Variants in FAM168A observed in about 807,000 individuals in gnomAD.
The protein encoded by FAM168A is family with sequence similarity 168 member A, also known as protein FAM168A.
Under a neutral mutation model 28.5 loss-of-function variants are expected in FAM168A, and 3 were observed. The ratio of observed to expected loss-of-function variants is 0.11; its 90% CI spans 0.05 to 0.27. The LOEUF (loss-of-function observed/expected upper bound fraction) is 0.27, where lower values mean the gene tolerates loss of function less well. Ranked by LOEUF, FAM168A falls within the 10% of genes least tolerant of loss-of-function variation. The pLI, the probability that FAM168A is intolerant of heterozygous loss-of-function variation, is 1.00. For missense variants in FAM168A, 222 were observed against 311.5 expected (o/e 0.71, Z 2.16); for synonymous variants, 122 against 124.2 (o/e 0.98, Z 0.12).
At chr11:73,451,503 A>G (rs1012966516) in intron 2 of FAM168A, among the ~76,000 whole-genome samples, 1 of 152,240 alleles carries the variant, frequency 6.6e-6, no homozygotes, top group Non-Finnish European at 1.5e-5. Flanking sequence ...TGCAATAGCA[A>G]TGGGTATTAC....
rs370484797 is a variant in FAM168A at position 73,533,778 on chromosome 11, G to A, written c.-19+64145C>T. ...ATAATGTTCTGACTATTCTGAAGAG[G>A]GTAATATATAATGTTTTTAGGGAGA... On this transcript the variant is annotated intron_variant, in intron 1 of 7. Coordinates refer to ENST00000356467, the MANE Select transcript of FAM168A (RefSeq NM_015159.3). 4.0e-4 allele frequency among the ~76,000 whole-genome samples: 61 copies of A among 152,100 alleles called. 2 individuals are homozygous for A. The highest frequency in any genetic ancestry group is 2.7e-3 in the Admixed American group (42 of 15,274).
At chr11:73,571,800 AGT>A (rs1397897215) in intron 1 of FAM168A, among the ~76,000 whole-genome samples, 1 of 146,628 alleles carries the variant, frequency 6.8e-6, no homozygotes, top group Non-Finnish European at 1.5e-5. Context: ...GGAAGTGAGG[AGT>A]GCCTCTTCCC....
intron 1 of FAM168A, among the ~76,000 whole-genome samples, chr11:73,537,768 T>C (rs1344193510): frequency 1.3e-5 from 2 of 152,170 alleles, no homozygotes; most frequent in Non-Finnish European, 2.9e-5. Flanking sequence ...TATCAGAAAG[T>C]ATTTCTCAGT....
chr11:73,431,683 G>C (rs1322585044), intron 2 of FAM168A, among the ~76,000 whole-genome samples: 2 of 152,172 alleles, frequency 1.3e-5, no homozygotes, highest in Non-Finnish European at 2.9e-5. Flanking sequence ...CCCACAATCA[G>C]CTCTCAAGAG....
At chr11:73,490,859 T>G (rs1868118242) in intron 1 of FAM168A, among the ~76,000 whole-genome samples, 1 of 152,178 alleles carries the variant, frequency 6.6e-6, no homozygotes, top group Non-Finnish European at 1.5e-5. Flanking sequence ...TCACCCAAAA[T>G]GTAAGCTCCA....
intron 1 of FAM168A, among the ~76,000 whole-genome samples, chr11:73,508,333 AT>A (rs1428216559): frequency 6.6e-6 from 1 of 152,206 alleles, no homozygotes; most frequent in Admixed American, 6.5e-5. Context: ...AAGGAAAAAA[AT>A]ATTCAAAGAC....
intron 1 of FAM168A, among the ~76,000 whole-genome samples, chr11:73,504,977 G>A (rs1206371455): frequency 6.6e-6 from 1 of 152,062 alleles, no homozygotes; most frequent in Non-Finnish European, 1.5e-5. Flanking sequence ...ACACAGAGAG[G>A]GGAACAACAC....
chr11:73,573,022 TA>T (rs758119319), intron 1 of FAM168A, among the ~76,000 whole-genome samples: 3 of 152,136 alleles, frequency 2.0e-5, no homozygotes, highest in Non-Finnish European at 4.4e-5. Flanking sequence ...TCCATAAAAT[TA>T]AGCATTCTAG....
chr11:73,542,836 C>T (rs1407206235), intron 1 of FAM168A, among the ~76,000 whole-genome samples: 2 of 152,092 alleles, frequency 1.3e-5, no homozygotes, highest in African/African-American at 4.8e-5. Context: ...TCTGAGGGGG[C>T]CAAAAGCACA....
At chr11:73,474,751 C>T (rs1382193840) in intron 1 of FAM168A, among the ~76,000 whole-genome samples, 1 of 152,130 alleles carries the variant, frequency 6.6e-6, no homozygotes, top group African/African-American at 2.4e-5. Flanking sequence ...AGAATATTAC[C>T]TGGCACAAAA....
intron 1 of FAM168A, among the ~76,000 whole-genome samples, chr11:73,497,022 A>G (rs1337243067): frequency 6.6e-6 from 1 of 152,236 alleles, no homozygotes. Flanking sequence ...AAAATGGCCG[A>G]ATTCAGAAAA....
intron 1 of FAM168A, among the ~76,000 whole-genome samples, chr11:73,525,135 A>G (rs1324885358): frequency 1.3e-5 from 2 of 149,080 alleles, no homozygotes; most frequent in African/African-American, 5.0e-5. Flanking sequence ...GGTTCCTTCT[A>G]TATGTTTCTT....
intron 2 of FAM168A, among the ~76,000 whole-genome samples, chr11:73,438,097 T>TTCATCATCA (rs753245511): frequency 6.6e-6 from 1 of 151,976 alleles, no homozygotes; most frequent in South Asian, 2.1e-4. Flanking sequence ...GCATCCAGAT[T>TTCATCATCA]TCATCATCAT....
At chr11:73,574,617 C>T (rs370755237) in intron 1 of FAM168A, among the ~76,000 whole-genome samples, 2 of 151,606 alleles carry the variant, frequency 1.3e-5, no homozygotes, top group Admixed American at 6.6e-5. Context: ...AGCTGGAGTG[C>T]GATGACATGA....
In FAM168A at chr11:73,401,104, A is replaced by ATTATTATT. The variant is rs905285607; in HGVS notation, c.*5651_*5658dup. On this transcript the variant is annotated 3_prime_UTR_variant, in exon 8 of 8. Transcript: ENST00000356467. Reference sequence around the variant, plus strand: ...GTTTATTATTATTATTATTATTATTATTATTATTTTAAATTTTATTTCTTT... The same window carrying ATTATTATT: ...GTTTATTATTATTATTATTATTATTATTATTATTTTATTATTTTAAATTTTATTTCTTT... 6.7e-6 allele frequency: 1 copy of ATTATTATT among 149,210 alleles called. No homozygotes were observed. Among genetic ancestry groups the ATTATTATT allele is most frequent in the African/African-American group, 2.4e-5 (1 of 40,932 alleles). The allele number at this position is 149,210 out of a possible 1,614,324, so 9.2% of individuals were successfully genotyped here.
chr11:73,445,259 C>CAA lies in FAM168A; in HGVS notation c.71-14491_71-14490dup, dbSNP rs775104333. Reference sequence around the variant, plus strand: ...GGGCAACAAGAGTGAAACTCCATCTCAAAAAAAAAAAAAAGATTATATTAT... The same window carrying CAA: ...GGGCAACAAGAGTGAAACTCCATCTCAAAAAAAAAAAAAAAAGATTATATTAT... On this transcript the variant is annotated intron_variant, in intron 2 of 7. Transcript: ENST00000356467. 9.7e-4 allele frequency among the ~76,000 whole-genome samples: 111 copies of CAA among 114,012 alleles called. 1 individual carries two copies. The highest frequency in any genetic ancestry group is 3.3e-3 in the African/African-American group (105 of 31,730). 74.8% of individuals were successfully genotyped at this position (114,012 alleles called of 152,430 possible).
intron 1 of FAM168A, among the ~76,000 whole-genome samples, chr11:73,542,661 C>T (rs1293477307): frequency 6.6e-6 from 1 of 152,084 alleles, no homozygotes. Context: ...TGTTGAAAAC[C>T]CTGCAATGAG....
rs1866494804 is a variant in FAM168A at position 73,405,801 on chromosome 11, C to G, written c.*962G>C. On this transcript the variant is annotated 3_prime_UTR_variant, in exon 8 of 8. Coordinates refer to ENST00000356467, the MANE Select transcript of FAM168A (RefSeq NM_015159.3). ...GCAAAAGAAAAGGGAGAGAAATGCC[C>G]TAGGTTCCCACTCCAATCAGGAGGA... 6.6e-6 allele frequency: 1 copy of G among 152,198 alleles called. No individual in the cohort carries two copies. The highest frequency in any genetic ancestry group is 6.5e-5 in the Admixed American group (1 of 15,278). 9.4% of individuals were successfully genotyped at this position (152,198 alleles called of 1,614,324 possible). A position where few individuals can be genotyped will look rare whatever the true frequency, so the allele number is the denominator to read the frequency against.
intron 3 of FAM168A, among the ~76,000 whole-genome samples, chr11:73,423,046 G>A (rs1490101328): frequency 1.3e-5 from 2 of 152,230 alleles, no homozygotes; most frequent in Non-Finnish European, 2.9e-5. Flanking sequence ...CCTTGGGCAA[G>A]TTACTTAACC....
Sources: allele counts gnomAD v4.1 joint callset (sites outside exome capture counted in the v4.1 genomes callset), GRCh38; gene constraint gnomAD v4.1.1; transcripts MANE v1.5; gene names NCBI Gene and HGNC (gene_info 2026-07-23, HGNC 2026-07-21).